CDK14: variants seen among roughly 807,000 people sequenced by gnomAD.
CDK14 encodes the protein cyclin dependent kinase 14.
Under a neutral mutation model 60.7 loss-of-function variants are expected in CDK14, and 34 were observed. That is an observed-to-expected ratio of 0.56 (90% CI 0.43 to 0.75). The LOEUF is 0.75. CDK14 is among the 30% of genes least tolerant of loss of function. The probability of loss-of-function intolerance (pLI) is 0.00; values close to 1 mark genes in which losing one functional copy is unlikely to be tolerated. For missense variants in CDK14, 482 were observed against 564.1 expected (o/e 0.85, Z 1.47); for synonymous variants, 197 against 203.7 (o/e 0.97, Z 0.28).
chr7:91,196,934 G>A (rs1802560687), intron 14 of CDK14, among the ~76,000 whole-genome samples: 1 of 152,174 alleles, frequency 6.6e-6, no homozygotes. Context: ...TCAGATAGGA[G>A]TGTCACTATA....
intron 6 of CDK14, 108 bp from the exon 7 acceptor site, chr7:90,899,183 T>C (rs1347024354): frequency 9.7e-6 from 8 of 827,152 alleles, no homozygotes; most frequent in Non-Finnish European, 1.4e-5. Flanking sequence ...CCCACTTGTC[T>C]TTTATTTGCT....
intron 14 of CDK14, among the ~76,000 whole-genome samples, chr7:91,186,789 G>A (rs1358712353): frequency 2.0e-5 from 3 of 152,114 alleles, no homozygotes; most frequent in African/African-American, 7.2e-5. Context: ...CAAGGAAAAA[G>A]CCTGAACTTA....
chr7:90,667,553 C>A (rs1208357089), intron 2 of CDK14, among the ~76,000 whole-genome samples: 1 of 151,598 alleles, frequency 6.6e-6, no homozygotes, highest in Non-Finnish European at 1.5e-5. Flanking sequence ...AAAGTTCATC[C>A]ATGTTGTAGC....
chr7:91,007,284 CAATA>C (rs2115788132), intron 10 of CDK14, among the ~76,000 whole-genome samples: 2 of 152,244 alleles, frequency 1.3e-5, no homozygotes, highest in East Asian at 3.9e-4. Flanking sequence ...TCCTAAGACA[CAATA>C]AACTCAACAA....
At chr7:90,890,494 A>G (rs888086707) in intron 6 of CDK14, among the ~76,000 whole-genome samples, 2 of 152,220 alleles carry the variant, frequency 1.3e-5, no homozygotes, top group East Asian at 3.8e-4. Flanking sequence ...ATTTCGTTTT[A>G]AAGGATAAGT....
In CDK14 at chr7:91,207,652, C is replaced by G. The variant is rs369356341; in HGVS notation, c.*516C>G. 2.0e-5 allele frequency: 3 copies of G among 152,632 alleles called. No homozygotes were observed. The highest frequency in any genetic ancestry group is 4.8e-5 in the African/African-American group (2 of 41,444). The allele number at this position is 152,632 out of a possible 1,614,324, so 9.5% of individuals were successfully genotyped here. A position where few individuals can be genotyped will look rare whatever the true frequency, so the allele number is the denominator to read the frequency against. Reference sequence around the variant, plus strand: ...AGGAAATTTTCTGCTAAAGCAAACCCCTGTTCTCTGACTTGACAACTTGGC... The same window carrying G: ...AGGAAATTTTCTGCTAAAGCAAACCGCTGTTCTCTGACTTGACAACTTGGC... On this transcript the variant is annotated 3_prime_UTR_variant, in exon 15 of 15. Transcript: ENST00000380050.
chr7:90,811,000 A>G (rs1583996062), intron 5 of CDK14, among the ~76,000 whole-genome samples: 1 of 152,370 alleles, frequency 6.6e-6, no homozygotes, highest in Non-Finnish European at 1.5e-5. Flanking sequence ...TTCCCTGCTC[A>G]TGGATAGGAA....
intron 2 of CDK14, chr7:90,709,544 G>A: frequency 1.2e-6 from 2 of 1,613,122 alleles, no homozygotes; most frequent in Non-Finnish European, 1.7e-6. Context: ...GACAGCATAT[G>A]CACGGTTACT....
intron 12 of CDK14, among the ~76,000 whole-genome samples, chr7:91,099,240 G>A (rs572224151): frequency 1.3e-5 from 2 of 152,150 alleles, no homozygotes; most frequent in South Asian, 2.1e-4. Flanking sequence ...AGCCTCTGAT[G>A]GTGAAAATGT....
chr7:90,927,833 G>A (rs1385499893), intron 8 of CDK14, among the ~76,000 whole-genome samples: 1 of 152,222 alleles, frequency 6.6e-6, no homozygotes, highest in Non-Finnish European at 1.5e-5. Flanking sequence ...CATTCCCCCC[G>A]TCACTTTCAG....
intron 6 of CDK14, among the ~76,000 whole-genome samples, chr7:90,863,696 GTT>G (rs1491481855): frequency 4.0e-5 from 6 of 150,466 alleles, no homozygotes; most frequent in African/African-American, 1.5e-4. Context: ...GTGTGTGTGT[GTT>G]TGTGTGTGTG....
intron 8 of CDK14, among the ~76,000 whole-genome samples, chr7:90,934,537 A>C (rs1793692735): frequency 6.6e-6 from 1 of 152,226 alleles, no homozygotes; most frequent in Non-Finnish European, 1.5e-5. Context: ...TTAGTTTTAA[A>C]AGCATGGTAT....
At chr7:90,904,388 T>A (rs1792624846) in intron 7 of CDK14, among the ~76,000 whole-genome samples, 5 of 152,012 alleles carry the variant, frequency 3.3e-5, no homozygotes, top group Admixed American at 3.3e-4. Context: ...TCATTAATAG[T>A]CTCAGAGAGA....
chr7:91,030,327 CTT>C (rs1330421982), intron 10 of CDK14, among the ~76,000 whole-genome samples: 1 of 152,088 alleles, frequency 6.6e-6, no homozygotes, highest in South Asian at 2.1e-4. Flanking sequence ...ATAGCAGCGT[CTT>C]TTTTTAGAAC....
At chr7:91,147,493 A>T (rs1328805667) in intron 14 of CDK14, among the ~76,000 whole-genome samples, 1 of 152,134 alleles carries the variant, frequency 6.6e-6, no homozygotes, top group African/African-American at 2.4e-5. Flanking sequence ...ACTGTCTTTG[A>T]TGAAGAACCT....
chr7:90,617,352 A>G (rs1376781826), intron 2 of CDK14, among the ~76,000 whole-genome samples: 1 of 152,068 alleles, frequency 6.6e-6, no homozygotes, highest in East Asian at 1.9e-4. Context: ...GGAGAAAGGG[A>G]GAAATAACAT....
chr7:90,904,575 A>T (rs1046346094), intron 7 of CDK14, among the ~76,000 whole-genome samples: 4 of 152,116 alleles, frequency 2.6e-5, no homozygotes, highest in African/African-American at 9.7e-5. Context: ...AAATACAAAG[A>T]TGAAAAATGG....
intron 2 of CDK14, among the ~76,000 whole-genome samples, chr7:90,634,816 A>G (rs890466506): frequency 3.2e-4 from 49 of 151,964 alleles, no homozygotes; most frequent in African/African-American, 1.2e-3. Flanking sequence ...CTTTTTAATG[A>G]TTGCCATTCT....
intron 14 of CDK14, among the ~76,000 whole-genome samples, chr7:91,176,493 C>G (rs1439640590): frequency 6.6e-6 from 1 of 152,048 alleles, no homozygotes; most frequent in Admixed American, 6.5e-5. Context: ...ACCAAAAAAA[C>G]CCTTCAAAAA....
Sources: allele counts gnomAD v4.1 joint callset (sites outside exome capture counted in the v4.1 genomes callset), GRCh38; gene constraint gnomAD v4.1.1; transcripts MANE v1.5; gene names NCBI Gene and HGNC (gene_info 2026-07-23, HGNC 2026-07-21).